Variants in RPL23A observed in about 807,000 individuals in gnomAD.
RPL23A encodes the protein large ribosomal subunit protein uL23.
In RPL23A, 2 loss-of-function variants were observed where a neutral mutation model predicts 17.6. The ratio of observed to expected loss-of-function variants is 0.11; its 90% confidence interval spans 0.05 to 0.36. RPL23A has a LOEUF of 0.36. RPL23A is among the 10% of genes least tolerant of loss of function. The probability of loss-of-function intolerance (pLI) is 1.00; values close to 1 mark genes in which losing one functional copy is unlikely to be tolerated. For missense variants in RPL23A, 132 were observed against 194.4 expected (o/e 0.68, Z 1.91); for synonymous variants, 65 against 74.3 (o/e 0.87, Z 0.65).
chr17:28,720,312 T>G, intron 1 of RPL23A: 1 of 1,550,530 alleles, frequency 6.4e-7, no homozygotes, highest in Non-Finnish European at 8.7e-7. Context: ...TGGTTGGAGC[T>G]CCATGTCCCC....
At chr17:28,722,938 A>G (rs767770115) in intron 3 of RPL23A, 39 bp downstream of exon 3, 2 of 1,563,256 alleles carry the variant, frequency 1.3e-6, no homozygotes, top group South Asian at 2.2e-5. Context: ...AGGCTGGACC[A>G]GCAGTCTGGA....
intron 2 of RPL23A, 194 bp from the exon 3 acceptor site, chr17:28,722,527 GAA>G: frequency 1.3e-6 from 1 of 743,204 alleles, no homozygotes; most frequent in East Asian, 2.6e-5. Flanking sequence ...TCAAGAGAAA[GAA>G]AATGCACAAC....
rs756157808 is a variant in RPL23A, at chr17:28,720,905, C to T, written c.209+15C>T. ...AGGAGAAACAAGTCAGTACTGCCCC[C>T]TGTACCCATGAAAAGATTTGGGTAT... is the stretch of plus-strand genomic sequence containing the variant. On this transcript the variant is annotated intron_variant, in intron 2 of 4. Coordinates refer to ENST00000422514, the MANE Select transcript of RPL23A (RefSeq NM_000984.6). 3.1e-6 allele frequency: 5 copies of T among 1,606,726 alleles called. No individual in the cohort carries two copies. The East Asian group carries it at 8.9e-5, about 29-fold the overall frequency.
intron 1 of RPL23A, chr17:28,720,429 G>C: frequency 1.2e-6 from 2 of 1,609,848 alleles, no homozygotes; most frequent in Non-Finnish European, 1.7e-6. Flanking sequence ...TTTTGCGATG[G>C]GGTATGTGTA....
At chr17:28,723,706 G>T in intron 4 of RPL23A, 66 bp downstream of exon 4, 1 of 1,489,222 alleles carries the variant, frequency 6.7e-7, no homozygotes, top group South Asian at 1.1e-5. Flanking sequence ...ATATGTTAGC[G>T]ACCAAAGCCT....
chr17:28,721,773 CTCTT>C (rs1001178674), intron 2 of RPL23A: 3 of 152,174 alleles, frequency 2.0e-5, no homozygotes, highest in African/African-American at 7.2e-5. Context: ...GCTGCTTCTA[CTCTT>C]TCTTAACAGA....
intron 2 of RPL23A, chr17:28,721,164 G>C (rs2034107821): frequency 3.1e-6 from 1 of 320,066 alleles, no homozygotes; most frequent in Non-Finnish European, 6.0e-6. Context: ...ACCAGCCTGA[G>C]TGACATGGAG....
At position 28,724,065 on chromosome 17, in the gene RPL23A, A is replaced by T. The variant is rs750282; in HGVS notation, c.*184A>T. 2 of 554,076 alleles carry T rather than the reference A, an allele frequency of 3.6e-6. No homozygotes were observed. The highest frequency in any genetic ancestry group is 3.8e-5 in the African/African-American group (2 of 52,904). The allele number at this position is 554,076 out of a possible 1,614,324, so 34.3% of individuals were successfully genotyped here. A position where few individuals can be genotyped will look rare whatever the true frequency, so the allele number is the denominator to read the frequency against. On this transcript the variant is annotated 3_prime_UTR_variant, in exon 5 of 5. Transcript: ENST00000422514. ...ACCTCACCCTGCCACTCCACCATGT[A>T]TGATCATTCCAGAGATCTTTGTGAC...
intron 3 of RPL23A, chr17:28,723,358 G>C: frequency 1.3e-6 from 1 of 750,818 alleles, no homozygotes; most frequent in South Asian, 1.4e-5. Context: ...AGATTACCTT[G>C]GTTTAAGTCT....
intron 3 of RPL23A, chr17:28,723,359 G>A (rs1340824110): frequency 1.6e-5 from 12 of 752,460 alleles, no homozygotes; most frequent in Non-Finnish European, 2.7e-5. Context: ...GATTACCTTG[G>A]TTTAAGTCTT....
In RPL23A at chr17:28,720,518, A is replaced by C; in HGVS notation, c.26-189A>C. 4 of 1,522,606 alleles carry C rather than the reference A, an allele frequency of 2.6e-6. No homozygotes were observed. The South Asian group carries it at 4.5e-5, about 17-fold the overall frequency. The allele number at this position is 1,522,606 out of a possible 1,614,324, so 94.3% of individuals were successfully genotyped here. Reference sequence around the variant, plus strand: ...GTTTCATAGTCGTATCCCTGGAGTTACTTAGAGTTGGTCGCTTTCGCCTCT... The same window carrying C: ...GTTTCATAGTCGTATCCCTGGAGTTCCTTAGAGTTGGTCGCTTTCGCCTCT... On this transcript the variant is annotated intron_variant, in intron 1 of 4. Coordinates refer to ENST00000422514, the MANE Select transcript of RPL23A (RefSeq NM_000984.6).
Position 28,723,561 on chromosome 17 carries a change from T to C in RPL23A, c.387-10T>C, listed in dbSNP as rs1416397988. ...GGTGGCAGGGACTAAGGCTTCCTTC[T>C]CTACCCTAGGCCTGATGGAGAGAAG... On this transcript the variant is annotated splice_polypyrimidine_tract_variant and intron_variant, in intron 3 of 4. Transcript: ENST00000422514. The C allele has an allele frequency of 1.9e-6, 3 of 1,611,770 alleles. No individual in the cohort carries two copies. Among genetic ancestry groups the C allele is most frequent in the Non-Finnish European group, 2.5e-6 (3 of 1,178,004 alleles).
chr17:28,721,121 G>A (rs1057421190), intron 2 of RPL23A: 4 of 420,912 alleles, frequency 9.5e-6, no homozygotes, highest in East Asian at 5.0e-5. Flanking sequence ...GGAGGCCGAG[G>A]GGGGGCGGAT....
At chr17:28,722,660 C>G (rs375381629) in intron 2 of RPL23A, 63 bp from the exon 3 acceptor site, 1 of 1,389,828 alleles carries the variant, frequency 7.2e-7, no homozygotes, top group African/African-American at 1.4e-5. Context: ...CACCTAGGCT[C>G]TCCTGGCTCT....
rs1597798621 is a variant in RPL23A, at chr17:28,724,161, A to G, written c.*280A>G. Reference sequence around the variant, plus strand: ...TGGTTGAGTAACAAGCTGTACAAGAACCCCTTTTATCCCTGGAAGAGGCTG... The same window carrying G: ...TGGTTGAGTAACAAGCTGTACAAGAGCCCCTTTTATCCCTGGAAGAGGCTG... On this transcript the variant is annotated 3_prime_UTR_variant, in exon 5 of 5. Transcript: ENST00000422514. The G allele has an allele frequency of 4.0e-6, 2 of 504,426 alleles. No homozygotes were observed. Among genetic ancestry groups the G allele is most frequent in the East Asian group, 6.5e-5 (2 of 30,624 alleles). 31.2% of individuals were successfully genotyped at this position (504,426 alleles called of 1,614,324 possible). A position where few individuals can be genotyped will look rare whatever the true frequency, so the allele number is the denominator to read the frequency against.
At chr17:28,721,513 G>T (rs148717239) in intron 2 of RPL23A, 30 of 153,112 alleles carry the variant, frequency 2.0e-4, no homozygotes, top group Admixed American at 3.3e-4. Context: ...CCTTGAGGGT[G>T]AGAACGTGGA....
intron 1 of RPL23A, 184 bp from the exon 2 acceptor site, chr17:28,720,523 G>C (rs751020871): frequency 1.3e-6 from 2 of 1,507,116 alleles, no homozygotes; most frequent in South Asian, 2.3e-5. Context: ...GAGTTACTTA[G>C]AGTTGGTCGC....
At position 28,724,282 on chromosome 17, in the gene RPL23A, AC is replaced by A. The variant is rs1272270696; in HGVS notation, c.*404del. ...CTCTGGTAGCATTTTGTCCTCACAC[AC>A]CCATCTACTATGTCCAACCGGTCTG... On this transcript the variant is annotated 3_prime_UTR_variant, in exon 5 of 5. Transcript: ENST00000422514. 1.1e-5 allele frequency: 7 copies of A among 611,584 alleles called. No individual in the cohort carries two copies. Among genetic ancestry groups the A allele is most frequent in the Non-Finnish European group, 1.7e-5 (6 of 349,730 alleles). 37.9% of individuals were successfully genotyped at this position (611,584 alleles called of 1,614,324 possible). A position where few individuals can be genotyped will look rare whatever the true frequency, so the allele number is the denominator to read the frequency against.
intron 1 of RPL23A, chr17:28,720,234 G>T: frequency 6.5e-7 from 1 of 1,538,626 alleles, no homozygotes; most frequent in South Asian, 1.2e-5. Flanking sequence ...TTGGGGGGGG[G>T]CAACGCGGCA....
Sources: gnomAD v4.1 joint callset for allele counts on GRCh38, gnomAD v4.1.1 for gene constraint, MANE v1.5 for transcripts, NCBI Gene and HGNC (gene_info 2026-07-23, HGNC 2026-07-21) for gene names.